The following DNAH2 variants were observed in gnomAD, a reference collection of about 807,000 sequenced individuals.
DNAH2 encodes the protein dynein axonemal heavy chain 2.
DNAH2 carries 323 observed loss-of-function variants against 523.5 expected under a neutral mutation model. That is an observed-to-expected ratio of 0.62 (90% CI 0.56 to 0.68). DNAH2 has a LOEUF of 0.68. Ranked by LOEUF, DNAH2 falls within the 30% of genes least tolerant of loss-of-function variation. DNAH2 has a pLI of 0.00. For synonymous variants in DNAH2, 2,093 were observed against 2,177.4 expected (o/e 0.96, Z 1.08); for missense variants, 4,907 against 5,701.5 (o/e 0.86, Z 4.49).
chr17:7,813,887 G>A (rs1373486695), intron 63 of DNAH2, among the ~76,000 whole-genome samples: 3 of 148,632 alleles, frequency 2.0e-5, no homozygotes, highest in Admixed American at 6.7e-5. Context: ...CAGCCTGGGC[G>A]ACAGTGTGAG....
At position 7,830,778 on chromosome 17, in the gene DNAH2, C is replaced by T. The variant is rs142827870; in HGVS notation, c.12166C>T (p.Arg4056Cys). 132 of 1,614,094 alleles carry T rather than the reference C, an allele frequency of 8.2e-5. No homozygotes were observed. Among genetic ancestry groups the T allele is most frequent in the Non-Finnish European group, 1.0e-4 (121 of 1,180,038 alleles). Reference protein sequence around the residue: ...GGHVTDDWDRRLLTTYINDYF... With the variant: ...GGHVTDDWDRCLLTTYINDYF... ...ACATGTCACAGATGACTGGGACCGG[C>T]GCCTGCTGACCACCTACATCAATGA... Residue 4056 changes from arginine (R) to cysteine (C), a missense_variant, in exon 79 of 86, where the codon CGC becomes TGC. Physicochemically the swap from Arg to Cys is radical, Grantham distance 180. Around this residue, in one of 3 missense-constraint regions of DNAH2, gnomAD observed 1,851 missense variants for 2,139.4 expected, o/e 0.87. Transcript: ENST00000572933.
chr17:7,799,044 C>T, intron 55 of DNAH2, 59 bp from the exon 56 acceptor site: 3 of 1,592,538 alleles, frequency 1.9e-6, no homozygotes, highest in South Asian at 1.1e-5. Flanking sequence ...TGACCCGCTG[C>T]CCCCGCTGAT....
rs1355416322 is a variant in DNAH2 at position 7,780,720 on chromosome 17, A to G, written c.5941A>G (p.Thr1981Ala). Reference protein sequence around the residue: ...DHYDFGLRALTSLLRYAGKKR... With the variant: ...DHYDFGLRALASLLRYAGKKR... ...CTATGACTTTGGCCTGCGTGCCCTCACCTCCCTTCTGCGCTATGCTGGCAA... is the reference window on the plus strand; with the variant it reads ...CTATGACTTTGGCCTGCGTGCCCTCGCCTCCCTTCTGCGCTATGCTGGCAA... Residue 1981 changes from threonine to alanine, a missense_variant, in exon 38 of 86, where the codon ACC becomes GCC. Around this residue, in one of 3 missense-constraint regions of DNAH2, gnomAD observed 2,806 missense variants for 3,190.8 expected, o/e 0.88. Transcript: ENST00000572933. The surrounding 1 kb of genome is among the most constrained non-coding windows in gnomAD (Gnocchi z 4.4). The G allele has an allele frequency of 6.2e-7, 1 of 1,613,902 alleles. No individual in the cohort carries two copies. Among genetic ancestry groups the G allele is most frequent in the South Asian group, 1.1e-5 (1 of 91,070 alleles).
In DNAH2 at chr17:7,775,258, C is replaced by G. The variant is rs755812565; in HGVS notation, c.4737C>G (p.Ser1579Arg). 1 of 1,613,160 alleles carries G rather than the reference C, an allele frequency of 6.2e-7. No homozygotes were observed. Among genetic ancestry groups the G allele is most frequent in the South Asian group, 1.1e-5 (1 of 90,798 alleles). ...LRIQKVGGPSSKWEAVGMFSG... is the reference protein window; with the variant it reads ...LRIQKVGGPSRKWEAVGMFSG... Reference sequence around the variant, plus strand: ...TTCTGCAGGTTGGAGGGCCCAGCAGCAAATGGGAAGCTGTGGGGATGTTCT... The same window carrying G: ...TTCTGCAGGTTGGAGGGCCCAGCAGGAAATGGGAAGCTGTGGGGATGTTCT... Residue 1579 changes from serine (S) to arginine (R), a missense_variant, in exon 30 of 86, where the codon AGC becomes AGG. Transcript: ENST00000572933.
Position 7,740,511 on chromosome 17 carries a change from C to T in DNAH2, c.1468C>T (p.Leu490Phe). The T allele has an allele frequency of 3.7e-6, 6 of 1,614,176 alleles. No individual in the cohort carries two copies. Among genetic ancestry groups the T allele is most frequent in the Non-Finnish European group, 5.1e-6 (6 of 1,180,022 alleles). ...GGTGCGGGACGTGCCGCACGGCGTGCTTCTGCTGGACACCTTCCACAGGCT... is the reference window on the plus strand; with the variant it reads ...GGTGCGGGACGTGCCGCACGGCGTGTTTCTGCTGGACACCTTCCACAGGCT... ...ELVRDVPHGV[L>F]LLDTFHRLAS... The change falls in exon 10 of 86, where the codon CTT (leucine) becomes TTT (phenylalanine). Residue 490 changes from leucine (L) to phenylalanine (F), a missense_variant. Leu to Phe is a conservative substitution (Grantham distance 22, BLOSUM62 0). Transcript: ENST00000572933.
intron 44 of DNAH2, among the ~76,000 whole-genome samples, chr17:7,790,559 G>A (rs1448040426): frequency 6.6e-6 from 1 of 152,104 alleles, no homozygotes; most frequent in Non-Finnish European, 1.5e-5. Context: ...ACAGATAATT[G>A]TTGAATCAAG....
At chr17:7,804,193 T>C in intron 58 of DNAH2, 63 bp from the exon 59 acceptor site, 1 of 1,564,010 alleles carries the variant, frequency 6.4e-7, no homozygotes, top group African/African-American at 1.4e-5. Flanking sequence ...AGGTGGACCT[T>C]ACAGGACACC....
At chr17:7,726,099 G>A (rs895165352) in intron 3 of DNAH2, among the ~76,000 whole-genome samples, 1 of 151,956 alleles carries the variant, frequency 6.6e-6, no homozygotes, top group African/African-American at 2.4e-5. Context: ...TCTGCCTCCC[G>A]GGTTCAAGAA....
chr17:7,786,760 G>A lies in DNAH2; in HGVS notation c.6466+73G>A. The A allele has an allele frequency of 1.9e-6, 3 of 1,598,842 alleles. No homozygotes were observed. The stretch of plus-strand genomic sequence containing the variant: ...AAGGGGGCAGGGAGTCTGGGGATAG[G>A]AAGTTCCAAGTTGGGAGAGAAATGC... On this transcript the variant is annotated intron_variant, in intron 41 of 85. Transcript: ENST00000572933. This position sits in a 1 kb window ranked among gnomAD's most constrained non-coding sequence, Gnocchi z 7.5.
chr17:7,800,823 C>T (rs938275330), intron 56 of DNAH2, among the ~76,000 whole-genome samples: 4 of 146,660 alleles, frequency 2.7e-5, no homozygotes, highest in East Asian at 2.2e-4. Flanking sequence ...GCCTAGATGG[C>T]GCTACTGCAC....
intron 2 of DNAH2, among the ~76,000 whole-genome samples, chr17:7,721,004 CTTTTTTTTTT>C (rs71159523): frequency 1.1e-4 from 12 of 109,736 alleles, no homozygotes; most frequent in Admixed American, 3.1e-4. Flanking sequence ...TTCTTTCTTT[CTTTTTTTTTT>C]TTTTTTTTTT....
chr17:7,798,229 G>T lies in DNAH2; in HGVS notation c.8303G>T (p.Arg2768Leu). ...CTGGTGGGTATCGGGGGCAGCGGAC[G>T]CCAGAGTCTGGCCCGCCTGGCTTCA... ...MLLVGIGGSG[R>L]QSLARLASSI... The change falls in exon 54 of 86, where the codon CGC becomes CTC. Residue 2768 changes from arginine to leucine, a missense_variant. Arg to Leu is a moderately radical substitution (Grantham distance 102, BLOSUM62 -2). Coordinates refer to ENST00000572933, the MANE Select transcript of DNAH2 (RefSeq NM_020877.5). This position sits in a 1 kb window ranked among gnomAD's most constrained non-coding sequence, Gnocchi z 5.5. The T allele has an allele frequency of 3.1e-6, 5 of 1,613,684 alleles. No individual in the cohort carries two copies. In the South Asian group the frequency reaches 3.3e-5, roughly 11 times the overall value.
At chr17:7,766,165 G>A (rs770381147) in intron 21 of DNAH2, among the ~76,000 whole-genome samples, 153 bp from the exon 22 acceptor site, 3 of 152,044 alleles carry the variant, frequency 2.0e-5, no homozygotes, top group Non-Finnish European at 2.9e-5. Flanking sequence ...AAGATTAACC[G>A]TTATTCTTTC....
Position 7,760,849 on chromosome 17 carries a change from C to CAACA in DNAH2, c.2895_2896insAACA (p.Trp966AsnfsTer35), listed in dbSNP as rs751476637. On this transcript the variant is annotated frameshift_variant, in exon 18 of 86. Transcript: ENST00000572933. LOFTEE classifies it high-confidence loss of function. The surrounding 1 kb of genome is among the most constrained non-coding windows in gnomAD (Gnocchi z 4.0). ...AGACCTGGGACATGTACCGGGAGAT[C>CAACA]TGGGAGATCAACAAGGACTCCTTCA... is the stretch of plus-strand genomic sequence containing the variant. The CAACA allele has an allele frequency of 6.2e-7, 1 of 1,614,096 alleles. No individual in the cohort carries two copies. Among genetic ancestry groups the CAACA allele is most frequent in the African/African-American group, 1.3e-5 (1 of 74,932 alleles).
chr17:7,817,369 T>A lies in DNAH2; in HGVS notation c.9974T>A (p.Leu3325Gln). The change falls in exon 65 of 86, where the codon CTG (leucine) becomes CAG (glutamine). Residue 3325 changes from leucine (L) to glutamine (Q), a missense_variant. By Grantham distance (113) the Leu-to-Gln change is moderately radical. This residue lies in a region of DNAH2 where 1,851 missense variants were observed against 2,139.4 expected (regional missense o/e 0.87). Transcript: ENST00000572933. ...AAFLSYMGPF[L>Q]TNYRDEIVNQ... ...TTCCTGTCCTACATGGGACCCTTCC[T>A]GACCAACTACCGGGATGAGATTGTC... is the stretch of plus-strand genomic sequence containing the variant. 6.2e-7 allele frequency: 1 copy of A among 1,613,676 alleles called. No homozygotes were observed. The highest frequency in any genetic ancestry group is 2.2e-5 in the East Asian group (1 of 44,860).
At chr17:7,722,964 C>CTTTTT (rs559136734) in intron 2 of DNAH2, among the ~76,000 whole-genome samples, 45 of 114,692 alleles carry the variant, frequency 3.9e-4, no homozygotes, top group Non-Finnish European at 5.7e-4. Flanking sequence ...CTTTTCTTTC[C>CTTTTT]TTTTTTTTTT....
chr17:7,721,604 G>A (rs1371437902), intron 2 of DNAH2, among the ~76,000 whole-genome samples: 3 of 152,074 alleles, frequency 2.0e-5, no homozygotes, highest in East Asian at 1.9e-4. Context: ...TTCCTGCCTC[G>A]GCCTCTGTGC....
At chr17:7,802,493 A>T (rs1255529035) in intron 58 of DNAH2, among the ~76,000 whole-genome samples, 2 of 152,344 alleles carry the variant, frequency 1.3e-5, no homozygotes, top group African/African-American at 4.8e-5. Flanking sequence ...AGAATGGAGT[A>T]TCTGCATGTA....
chr17:7,826,104 C>T (rs955399943), intron 77 of DNAH2, among the ~76,000 whole-genome samples: 1 of 152,194 alleles, frequency 6.6e-6, no homozygotes, highest in Non-Finnish European at 1.5e-5. Flanking sequence ...AGCCTGGGCT[C>T]CGCCTCCCAG....
Sources: gnomAD v4.1 joint callset for allele counts (sites outside exome capture counted in the v4.1 genomes callset) on GRCh38, gnomAD v4.1.1 for gene constraint, gnomAD v4.1.1 regional missense constraint, Gnocchi (gnomAD v3.1) non-coding constraint, MANE v1.5 for transcripts, NCBI Gene and HGNC (gene_info 2026-07-23, HGNC 2026-07-21) for gene names.